Variants in SUGP1 observed in about 807,000 individuals in gnomAD.
SUGP1 encodes SURP and G-patch domain-containing protein 1.
In SUGP1, 34 loss-of-function variants were observed where a neutral mutation model predicts 76.5. That is an observed-to-expected ratio of 0.44 (90% CI 0.34 to 0.59). SUGP1 has a LOEUF of 0.59. Among genes scored for constraint, SUGP1 ranks in the 20% least tolerant of loss-of-function variants. The pLI is 0.01. For missense variants in SUGP1, 752 were observed against 851.7 expected (o/e 0.88, Z 1.46); for synonymous variants, 326 against 326.2 (o/e 1.00, Z 0.01).
intron 8 of SUGP1, among the ~76,000 whole-genome samples, chr19:19,292,891 G>T (rs762356877): frequency 6.6e-6 from 1 of 151,844 alleles, no homozygotes; most frequent in African/African-American, 2.4e-5. Context: ...GTAACCACAC[G>T]ATGATTTTAT....
intron 2 of SUGP1, among the ~76,000 whole-genome samples, chr19:19,315,365 G>C (rs1328234149): frequency 1.3e-5 from 2 of 151,168 alleles, no homozygotes; most frequent in Admixed American, 6.6e-5. Context: ...GCTGGAACAA[G>C]GCCTTGGGGA....
intron 8 of SUGP1, among the ~76,000 whole-genome samples, chr19:19,294,111 C>T (rs946842478): frequency 1.3e-5 from 2 of 151,812 alleles, no homozygotes; most frequent in African/African-American, 2.4e-5. Flanking sequence ...CAATTGAGCC[C>T]GGGAGGTCAA....
intron 7 of SUGP1, among the ~76,000 whole-genome samples, chr19:19,300,240 TAA>T (rs1474494798): frequency 6.6e-6 from 1 of 151,532 alleles, no homozygotes; most frequent in Admixed American, 6.6e-5. Flanking sequence ...CATGCCCAGT[TAA>T]TTTCTATATT....
chr19:19,277,764 T>C lies in SUGP1; in HGVS notation c.1751A>G (p.Glu584Gly), dbSNP rs1418458852. 1 of 1,613,986 alleles carries C rather than the reference T, an allele frequency of 6.2e-7. No homozygotes were observed. Among genetic ancestry groups the C allele is most frequent in the South Asian group, 1.1e-5 (1 of 91,074 alleles). Residue 584 changes from glutamate (E) to glycine (G), a missense_variant, in exon 12 of 14, where the codon GAG (glutamate) becomes GGG (glycine). Around this residue, in one of 2 missense-constraint regions of SUGP1, gnomAD observed 132 missense variants for 234.4 expected, o/e 0.56. Transcript: ENST00000247001. ...GWKEGEGLGSEGQGIKNPVNK... is the reference protein window; with the variant it reads ...GWKEGEGLGSGGQGIKNPVNK... The stretch of plus-strand genomic sequence containing the variant: ...CACTGGGTTCTTGATGCCCTGGCCC[T>C]CTGAGCCCAGCCCCTCGCCCTCCTT...
chr19:19,308,353 G>A (rs2061331299), intron 3 of SUGP1, among the ~76,000 whole-genome samples: 1 of 152,218 alleles, frequency 6.6e-6, no homozygotes, highest in Non-Finnish European at 1.5e-5. Flanking sequence ...TGAATTCTGA[G>A]TGAAGAGAAT....
intron 6 of SUGP1, among the ~76,000 whole-genome samples, chr19:19,303,023 T>C (rs1028708395): frequency 6.6e-6 from 1 of 152,012 alleles, no homozygotes; most frequent in Non-Finnish European, 1.5e-5. Context: ...CTTGTTAATG[T>C]AACAAAGAAC....
At chr19:19,291,889 TCACACACACACACACACACA>T (rs541521385) in intron 8 of SUGP1, among the ~76,000 whole-genome samples, 10 of 128,710 alleles carry the variant, frequency 7.8e-5, no homozygotes, top group Non-Finnish European at 1.3e-4. Context: ...TGAGACTCTG[TCACACACACACACACACACA>T]CACACACACA....
At chr19:19,318,213 G>A (rs1470741947) in intron 1 of SUGP1, among the ~76,000 whole-genome samples, 1 of 145,812 alleles carries the variant, frequency 6.9e-6, no homozygotes, top group East Asian at 2.0e-4. Flanking sequence ...CACCTCCAGA[G>A]TTCCAGCGAT....
chr19:19,320,322 G>C, intron 1 of SUGP1, 141 bp downstream of exon 1: 1 of 858,208 alleles, frequency 1.2e-6, no homozygotes, highest in South Asian at 2.0e-5. Context: ...AAACCAAGAG[G>C]TGCAGAAGCC....
rs147591536 is a variant in SUGP1 at position 19,317,086 on chromosome 19, C to T, written c.35-493G>A. Among the ~76,000 whole-genome samples the T allele has an allele frequency of 4.5e-3, 673 of 149,942 alleles. 4 individuals are homozygous for T. Among genetic ancestry groups the T allele is most frequent in the South Asian group, 0.031 (147 of 4,744 alleles). Reference sequence around the variant, plus strand: ...CAGGGAGGTGAAGGTTGCAGTGAGCCGAGATGGTGCCACTGCACTCCAGCC... The same window carrying T: ...CAGGGAGGTGAAGGTTGCAGTGAGCTGAGATGGTGCCACTGCACTCCAGCC... On this transcript the variant is annotated intron_variant, in intron 1 of 13. Coordinates refer to ENST00000247001, the MANE Select transcript of SUGP1 (RefSeq NM_172231.4).
chr19:19,314,278 GCAC>G (rs1216057253), intron 2 of SUGP1, among the ~76,000 whole-genome samples: 1 of 151,748 alleles, frequency 6.6e-6, no homozygotes, highest in Non-Finnish European at 1.5e-5. Flanking sequence ...AGCCGAGATG[GCAC>G]CACTACACTC....
chr19:19,286,158 C>T (rs554096971), intron 8 of SUGP1, among the ~76,000 whole-genome samples: 6 of 152,304 alleles, frequency 3.9e-5, no homozygotes, highest in African/African-American at 1.4e-4. Flanking sequence ...AAGTACCTTG[C>T]TAGTGACTGC....
chr19:19,282,804 A>G (rs1023701475), intron 8 of SUGP1, among the ~76,000 whole-genome samples: 3 of 152,138 alleles, frequency 2.0e-5, no homozygotes, highest in African/African-American at 7.2e-5. Flanking sequence ...GTGGCCAGGC[A>G]CGGCGGCTCA....
At chr19:19,290,305 G>A (rs1383088944) in intron 8 of SUGP1, among the ~76,000 whole-genome samples, 1 of 152,160 alleles carries the variant, frequency 6.6e-6, no homozygotes, top group Non-Finnish European at 1.5e-5. Context: ...GGAGAACTGA[G>A]TGTGCTTGTG....
chr19:19,312,460 G>A (rs1005116554), intron 2 of SUGP1, among the ~76,000 whole-genome samples: 1 of 152,042 alleles, frequency 6.6e-6, no homozygotes, highest in Non-Finnish European at 1.5e-5. Flanking sequence ...TTTTAAACCC[G>A]CATGACGTTC....
intron 12 of SUGP1, 55 bp from the exon 13 acceptor site, chr19:19,277,131 G>A (rs2061056912): frequency 4.5e-6 from 7 of 1,565,932 alleles, no homozygotes; most frequent in African/African-American, 2.7e-5. Flanking sequence ...CTGGCCGGGG[G>A]GCCGGGCACA....
At chr19:19,298,290 G>A (rs561206047) in intron 7 of SUGP1, among the ~76,000 whole-genome samples, 1 of 152,312 alleles carries the variant, frequency 6.6e-6, no homozygotes, top group East Asian at 1.9e-4. Context: ...CTGAGGTCAG[G>A]AGTTCGAGAC....
intron 8 of SUGP1, among the ~76,000 whole-genome samples, chr19:19,289,498 A>T (rs998637495): frequency 6.6e-6 from 1 of 152,164 alleles, no homozygotes; most frequent in Non-Finnish European, 1.5e-5. Flanking sequence ...CTGTAATCCT[A>T]GCACTTTGGG....
Position 19,276,470 on chromosome 19 carries a change from G to C in SUGP1, c.*178C>G, listed in dbSNP as rs550830265. On this transcript the variant is annotated 3_prime_UTR_variant, in exon 14 of 14. Coordinates refer to ENST00000247001, the MANE Select transcript of SUGP1 (RefSeq NM_172231.4). ...GCCCCGAGACAGCATCTTGCATCCC[G>C]CTGCTAACAGGAGGGGCTTCCTGCA... is the stretch of plus-strand genomic sequence containing the variant. The C allele has an allele frequency of 1.2e-5, 8 of 693,194 alleles. No individual in the cohort carries two copies. Among genetic ancestry groups the C allele is most frequent in the Non-Finnish European group, 2.0e-5 (8 of 402,702 alleles). The allele number at this position is 693,194 out of a possible 1,614,324, so 42.9% of individuals were successfully genotyped here.
Sources: allele counts gnomAD v4.1 joint callset (sites outside exome capture counted in the v4.1 genomes callset), GRCh38; gene constraint gnomAD v4.1.1; regional missense constraint gnomAD v4.1.1; transcripts MANE v1.5; gene names NCBI Gene and HGNC (gene_info 2026-07-23, HGNC 2026-07-21).